The following CCSER1 variants were observed in gnomAD, a reference collection of about 807,000 sequenced individuals.
The protein encoded by CCSER1 is serine-rich coiled-coil domain-containing protein 1.
A neutral mutation model predicts 82.0 loss-of-function variants in CCSER1; 41 were observed. That is an observed-to-expected ratio of 0.50 (90% CI 0.39 to 0.65). The LOEUF (loss-of-function observed/expected upper bound fraction) is 0.65, where lower values mean the gene tolerates loss of function less well. CCSER1 is among the 30% of genes least tolerant of loss of function. CCSER1 has a pLI of 0.00. For synonymous variants in CCSER1, 414 were observed against 383.9 expected (o/e 1.08, Z -0.92); for missense variants, 1,119 against 1,064.2 (o/e 1.05, Z -0.72).
chr4:91,572,687 C>T (rs941260844), intron 10 of CCSER1, among the ~76,000 whole-genome samples: 6 of 151,718 alleles, frequency 4.0e-5, no homozygotes, highest in Non-Finnish European at 5.9e-5. Flanking sequence ...CTGGGCTGGG[C>T]ATGATGGCTT....
chr4:91,099,740 T>G (rs959643828), intron 10 of CCSER1, among the ~76,000 whole-genome samples: 1 of 152,198 alleles, frequency 6.6e-6, no homozygotes, highest in Non-Finnish European at 1.5e-5. Context: ...TGAGCTTATC[T>G]AAAGACCTGG....
At chr4:90,457,988 C>T (rs1762403686) in intron 4 of CCSER1, among the ~76,000 whole-genome samples, 1 of 152,174 alleles carries the variant, frequency 6.6e-6, no homozygotes, top group African/African-American at 2.4e-5. Context: ...GTCGGTGCCA[C>T]CCTGAGCATG....
chr4:91,552,221 G>A (rs964704326), intron 10 of CCSER1, among the ~76,000 whole-genome samples: 4 of 151,642 alleles, frequency 2.6e-5, no homozygotes, highest in African/African-American at 7.3e-5. Context: ...CAATGATGCT[G>A]AGTTAGAATC....
chr4:91,094,905 G>A lies in CCSER1; in HGVS notation c.2217+8911G>A, dbSNP rs190311316. On this transcript the variant is annotated intron_variant, in intron 10 of 10. Transcript: ENST00000509176. ...GAAATGGTGTCTCTCAGCTTACTAAGCAAGTCTCTCCCTAAAAAGGCAAGG... is the reference window on the plus strand; with the variant it reads ...GAAATGGTGTCTCTCAGCTTACTAAACAAGTCTCTCCCTAAAAAGGCAAGG... Among the ~76,000 whole-genome samples the A allele has an allele frequency of 3.9e-5, 6 of 152,232 alleles. No homozygotes were observed. The East Asian group carries it at 7.8e-4, about 20-fold the overall frequency.
rs28580640 is a variant in CCSER1, at chr4:90,330,519, A to G, written c.1509+17472A>G. 7.5e-3 allele frequency among the ~76,000 whole-genome samples: 1,137 copies of G among 152,272 alleles called. 12 individuals carry two copies. Among genetic ancestry groups the G allele is most frequent in the African/African-American group, 0.026 (1,096 of 41,558 alleles). On this transcript the variant is annotated intron_variant, in intron 3 of 10. Coordinates refer to ENST00000509176, the MANE Select transcript of CCSER1 (RefSeq NM_001145065.2). The stretch of plus-strand genomic sequence containing the variant: ...GTACATAGAAAGTATCTCTGAGCCA[A>G]GTGGGTGCCAGAGTACATTGATGCT...
chr4:91,169,373 C>A (rs1463196990), intron 10 of CCSER1, among the ~76,000 whole-genome samples: 3 of 152,100 alleles, frequency 2.0e-5, no homozygotes, highest in African/African-American at 7.2e-5. Context: ...ATAATCCCAG[C>A]ACTTTGGGAG....
chr4:90,639,891 A>G (rs1044121711), intron 6 of CCSER1, among the ~76,000 whole-genome samples: 3 of 152,258 alleles, frequency 2.0e-5, no homozygotes, highest in Admixed American at 2.0e-4. Flanking sequence ...ATTCATGATC[A>G]TATAGATTCT....
intron 4 of CCSER1, among the ~76,000 whole-genome samples, chr4:90,452,480 T>C (rs142448805): frequency 3.9e-4 from 60 of 152,332 alleles, no homozygotes; most frequent in African/African-American, 1.4e-3. Flanking sequence ...ATACCTCTGG[T>C]TGCAAAGCTA....
chr4:90,167,328 GAATTT>G (rs1357213649), intron 1 of CCSER1, among the ~76,000 whole-genome samples: 2 of 151,984 alleles, frequency 1.3e-5, no homozygotes, highest in Non-Finnish European at 2.9e-5. Context: ...AATATAGATT[GAATTT>G]AAGAAATTTA....
rs80284566 is a variant in CCSER1, at chr4:90,458,482, A to T, written c.1604-9752A>T. On this transcript the variant is annotated intron_variant, in intron 4 of 10. Transcript: ENST00000509176. ...AATTCTCCTGCCTCAGTTCCTGAGC[A>T]ATTGGGACTACAGACATGTGCCACC... Among the ~76,000 whole-genome samples the T allele has an allele frequency of 6.1e-3, 926 of 152,122 alleles. 7 individuals are homozygous for T. Among genetic ancestry groups the T allele is most frequent in the South Asian group, 0.02 (95 of 4,820 alleles).
chr4:90,477,250 A>T (rs1765236187), intron 5 of CCSER1, among the ~76,000 whole-genome samples: 1 of 152,228 alleles, frequency 6.6e-6, no homozygotes, highest in South Asian at 2.1e-4. Flanking sequence ...GAGACTGACT[A>T]GCAGAAAAAG....
intron 10 of CCSER1, among the ~76,000 whole-genome samples, chr4:91,135,064 A>G (rs1181245901): frequency 6.7e-6 from 1 of 150,118 alleles, no homozygotes; most frequent in Non-Finnish European, 1.5e-5. Context: ...GTCTCAAAGA[A>G]AAAAAAAAAA....
intron 1 of CCSER1, among the ~76,000 whole-genome samples, chr4:90,177,953 T>G (rs1453258787): frequency 6.6e-6 from 1 of 152,040 alleles, no homozygotes; most frequent in East Asian, 1.9e-4. Context: ...CACATGATAC[T>G]CAGAGAAGTA....
At chr4:91,255,982 A>C (rs182031907) in intron 10 of CCSER1, among the ~76,000 whole-genome samples, 4 of 152,228 alleles carry the variant, frequency 2.6e-5, no homozygotes, top group Non-Finnish European at 5.9e-5. Flanking sequence ...TTCAGGGAAC[A>C]AGGGAGATAA....
intron 10 of CCSER1, among the ~76,000 whole-genome samples, chr4:91,571,735 CA>C (rs1452427321): frequency 6.6e-6 from 1 of 152,076 alleles, no homozygotes; most frequent in African/African-American, 2.4e-5. Flanking sequence ...TAAGCTATAT[CA>C]GGGGTCCATC....
chr4:90,727,134 ATTG>A, intron 7 of CCSER1: 1 of 424,756 alleles, frequency 2.4e-6, no homozygotes, highest in Non-Finnish European at 4.7e-6. Flanking sequence ...TTTATAAACT[ATTG>A]TTATGGGCAT....
chr4:90,650,913 A>G (rs1163189836), intron 6 of CCSER1, among the ~76,000 whole-genome samples: 2 of 152,224 alleles, frequency 1.3e-5, no homozygotes, highest in African/African-American at 4.8e-5. Context: ...GCAGTATTGC[A>G]AAATGTTTAA....
chr4:91,128,216 A>G (rs887733822), intron 10 of CCSER1, among the ~76,000 whole-genome samples: 1 of 151,366 alleles, frequency 6.6e-6, no homozygotes, highest in Non-Finnish European at 1.5e-5. Flanking sequence ...TCTGCCTCTA[A>G]CTCCTCTCTC....
intron 10 of CCSER1, among the ~76,000 whole-genome samples, chr4:91,290,762 A>G (rs1743681280): frequency 1.3e-5 from 2 of 152,024 alleles, no homozygotes; most frequent in Admixed American, 1.3e-4. Context: ...ACATTGTCAT[A>G]TGTGCTAACT....
Sources: allele counts gnomAD v4.1 joint callset (sites outside exome capture counted in the v4.1 genomes callset), GRCh38; gene constraint gnomAD v4.1.1; transcripts MANE v1.5; gene names NCBI Gene and HGNC (gene_info 2026-07-23, HGNC 2026-07-21).